Variants in MARCHF11 observed in about 807,000 individuals in gnomAD.
MARCHF11 encodes membrane associated ring-CH-type finger 11, also known as E3 ubiquitin-protein ligase MARCHF11.
In MARCHF11, 29 loss-of-function variants were observed where a neutral mutation model predicts 37.3. That is an observed-to-expected ratio of 0.78 (90% CI 0.58 to 1.06). MARCHF11 has a LOEUF of 1.06. Ranked by LOEUF, MARCHF11 falls within the 50% of genes least tolerant of loss-of-function variation. The pLI, the probability that MARCHF11 is intolerant of heterozygous loss-of-function variation, is 0.00. For missense variants in MARCHF11, 482 were observed against 533.4 expected, an observed-to-expected ratio of 0.90 and a Z score of 0.95; for synonymous variants, 233 against 228.0, an observed-to-expected ratio of 1.02 and a Z score of -0.20.
chr5:16,171,359 C>T (rs1336566619), intron 2 of MARCHF11, among the ~76,000 whole-genome samples: 1 of 149,764 alleles, frequency 6.7e-6, no homozygotes, highest in African/African-American at 2.5e-5. Flanking sequence ...TAGAAACATC[C>T]CACCCATTGA....
rs1037014943 is a variant in MARCHF11, at chr5:16,101,266, C to T, written c.694-10185G>A. Among the ~76,000 whole-genome samples the T allele has an allele frequency of 2.6e-5, 4 of 152,140 alleles. No homozygotes were observed. In the South Asian group the frequency reaches 8.3e-4, roughly 31 times the overall value. ...TTTTAGGCTCCTGTAGTCCCAGCTA[C>T]TCAGGAGGCTGAGGCAGGAGAGTGG... On this transcript the variant is annotated intron_variant, in intron 2 of 3. Coordinates refer to ENST00000332432, the MANE Select transcript of MARCHF11 (RefSeq NM_001102562.3).
chr5:16,100,267 A>C (rs1450523368), intron 2 of MARCHF11, among the ~76,000 whole-genome samples: 4 of 152,152 alleles, frequency 2.6e-5, no homozygotes, highest in Non-Finnish European at 4.4e-5. Flanking sequence ...GGGGTACAGG[A>C]CTCAAGTGAA....
At chr5:16,111,279 A>G (rs1314316285) in intron 2 of MARCHF11, among the ~76,000 whole-genome samples, 1 of 152,222 alleles carries the variant, frequency 6.6e-6, no homozygotes, top group East Asian at 1.9e-4. Context: ...AAAAGGCAGG[A>G]AAGTTTGGAA....
intron 2 of MARCHF11, among the ~76,000 whole-genome samples, chr5:16,152,746 T>C (rs1241453449): frequency 6.6e-6 from 1 of 152,004 alleles, no homozygotes; most frequent in African/African-American, 2.4e-5. Context: ...TATTAAGATA[T>C]GCCAGTAAGT....
intron 2 of MARCHF11, among the ~76,000 whole-genome samples, chr5:16,155,498 G>A (rs1294831984): frequency 6.6e-6 from 1 of 151,740 alleles, no homozygotes; most frequent in Non-Finnish European, 1.5e-5. Flanking sequence ...AAACAGTTGA[G>A]TAAATTATTA....
chr5:16,098,960 AGATTT>A (rs1560974282), intron 2 of MARCHF11, among the ~76,000 whole-genome samples: 4 of 152,202 alleles, frequency 2.6e-5, no homozygotes, highest in Non-Finnish European at 4.4e-5. Context: ...GAACTAGATT[AGATTT>A]ATTTTTTTAA....
chr5:16,123,267 G>T (rs1390117927), intron 2 of MARCHF11, among the ~76,000 whole-genome samples: 1 of 152,126 alleles, frequency 6.6e-6, no homozygotes, highest in Non-Finnish European at 1.5e-5. Context: ...AGGTCATTCG[G>T]GTGGGTCCTA....
intron 3 of MARCHF11, among the ~76,000 whole-genome samples, chr5:16,069,759 C>T (rs974414410): frequency 1.2e-4 from 18 of 152,112 alleles, no homozygotes; most frequent in Non-Finnish European, 7.4e-5. Context: ...GTAACCTTCC[C>T]ATAGGTACAA....
At chr5:16,119,681 C>T (rs992448062) in intron 2 of MARCHF11, among the ~76,000 whole-genome samples, 4 of 152,132 alleles carry the variant, frequency 2.6e-5, no homozygotes, top group Admixed American at 2.6e-4. Context: ...TTCATGAACA[C>T]TATATGTTTT....
intron 3 of MARCHF11, among the ~76,000 whole-genome samples, chr5:16,076,433 C>A (rs911657132): frequency 2.0e-5 from 3 of 152,046 alleles, no homozygotes; most frequent in Non-Finnish European, 2.9e-5. Context: ...AAGTCCAATA[C>A]TTTTATAGAT....
chr5:16,146,418 G>A (rs1029110832), intron 2 of MARCHF11, among the ~76,000 whole-genome samples: 8 of 152,082 alleles, frequency 5.3e-5, no homozygotes, highest in South Asian at 2.1e-4. Flanking sequence ...CCCTTTCCAC[G>A]GATGGTTTTG....
chr5:16,169,940 C>T (rs1320490620), intron 2 of MARCHF11, among the ~76,000 whole-genome samples: 1 of 152,078 alleles, frequency 6.6e-6, no homozygotes, highest in Non-Finnish European at 1.5e-5. Flanking sequence ...TTTAGCAAAA[C>T]ATCAGTCACA....
intron 2 of MARCHF11, among the ~76,000 whole-genome samples, chr5:16,175,228 ACT>A (rs958449593): frequency 1.3e-5 from 2 of 152,192 alleles, no homozygotes; most frequent in Non-Finnish European, 2.9e-5. Flanking sequence ...CAACCCATTG[ACT>A]CTTAACAGAT....
At position 16,177,858 on chromosome 5, in the gene MARCHF11, T is replaced by C. The variant is rs1384477056; in HGVS notation, c.561A>G (p.Arg187=). 1 of 1,610,672 alleles carries C rather than the reference T, an allele frequency of 6.2e-7. No homozygotes were observed. The highest frequency in any genetic ancestry group is 1.7e-5 in the Admixed American group (1 of 59,346). The part of the protein sequence containing the change: ...AEQGELLNPC[R]CDGSVRYTHQ... ...GTGTATACCGAACTGACCCATCACA[T>C]CGGCAGGGGTTCAACAACTCACCCT... is the stretch of plus-strand genomic sequence containing the variant. The change falls in exon 2 of 4, where the codon CGA becomes CGG. Residue 187 remains arginine, a synonymous_variant. Transcript: ENST00000332432.
At chr5:16,161,511 T>TA (rs1738077000) in intron 2 of MARCHF11, among the ~76,000 whole-genome samples, 1 of 151,904 alleles carries the variant, frequency 6.6e-6, no homozygotes, top group Admixed American at 6.6e-5. Context: ...CTAAGTACCA[T>TA]AAGCTCAAAC....
chr5:16,124,847 C>T (rs1308970037), intron 2 of MARCHF11, among the ~76,000 whole-genome samples: 1 of 151,344 alleles, frequency 6.6e-6, no homozygotes, highest in Non-Finnish European at 1.5e-5. Flanking sequence ...TTGAACACAA[C>T]ACACTTAGGG....
At chr5:16,119,356 C>T (rs1737274741) in intron 2 of MARCHF11, among the ~76,000 whole-genome samples, 1 of 150,664 alleles carries the variant, frequency 6.6e-6, no homozygotes, top group African/African-American at 2.5e-5. Context: ...AGTGAGACTC[C>T]ATCTCAATTA....
intron 2 of MARCHF11, among the ~76,000 whole-genome samples, chr5:16,171,581 A>G (rs938567171): frequency 5.3e-5 from 8 of 152,186 alleles, no homozygotes; most frequent in African/African-American, 1.7e-4. Flanking sequence ...TTCAGTCGCT[A>G]TAAGTAAAGT....
chr5:16,077,513 G>A (rs1736542290), intron 3 of MARCHF11, among the ~76,000 whole-genome samples: 1 of 151,966 alleles, frequency 6.6e-6, no homozygotes, highest in South Asian at 2.1e-4. Flanking sequence ...TTTCATTTTT[G>A]GTGGCTTCAT....
Sources: allele counts gnomAD v4.1 joint callset (sites outside exome capture counted in the v4.1 genomes callset), GRCh38; gene constraint gnomAD v4.1.1; transcripts MANE v1.5; gene names NCBI Gene and HGNC (gene_info 2026-07-23, HGNC 2026-07-21).